EFCAB8: variants seen among roughly 807,000 people sequenced by gnomAD.
EFCAB8 encodes the protein EF-hand calcium-binding domain-containing protein 8.
Under a neutral mutation model 116.3 loss-of-function variants are expected in EFCAB8, and 100 were observed. That is an observed-to-expected ratio of 0.86 (90% confidence interval 0.73 to 1.02). The LOEUF is 1.02. Ranked by LOEUF, EFCAB8 falls within the 50% of genes least tolerant of loss-of-function variation. EFCAB8 has a pLI of 0.00. For missense variants in EFCAB8, 1,320 were observed against 1,416.9 expected, an observed-to-expected ratio of 0.93 and a Z score of 1.10; for synonymous variants, 558 against 567.9, an observed-to-expected ratio of 0.98 and a Z score of 0.25.
chr20:32,957,330 AC>A (rs146398235), intron 23 of EFCAB8, among the ~76,000 whole-genome samples: 10,780 of 151,032 alleles, frequency 0.071, 578 homozygotes, highest in African/African-American at 0.15. Flanking sequence ...AAAAAAAAAA[AC>A]CCAAAACTTT....
intron 8 of EFCAB8, among the ~76,000 whole-genome samples, chr20:32,892,678 T>A (rs1985974100): frequency 6.6e-6 from 1 of 152,128 alleles, no homozygotes; most frequent in African/African-American, 2.4e-5. Flanking sequence ...GAATTCTGGT[T>A]CAGTGATGGG....
At position 32,864,325 on chromosome 20, in the gene EFCAB8, TG is replaced by T. The variant is rs558354718; in HGVS notation, c.42+492del. Among the ~76,000 whole-genome samples, 6 of 150,962 alleles carry T rather than the reference TG, an allele frequency of 4.0e-5. No homozygotes were observed. The South Asian group carries it at 1.3e-3, about 33-fold the overall frequency. On this transcript the variant is annotated intron_variant, in intron 2 of 26. Coordinates refer to ENST00000400522, the MANE Select transcript of EFCAB8 (RefSeq NM_001143967.2). ...GAGACTGGGTATGGTGGCTCACACCTGTAGTCCCAGCACTTTGTGAGGTGAA... is the reference window on the plus strand; with the variant it reads ...GAGACTGGGTATGGTGGCTCACACCTTAGTCCCAGCACTTTGTGAGGTGAA...
chr20:32,925,510 C>T (rs954513219), intron 20 of EFCAB8, among the ~76,000 whole-genome samples: 21 of 152,246 alleles, frequency 1.4e-4, no homozygotes, highest in East Asian at 3.9e-4. Flanking sequence ...TAAGCCACCA[C>T]GCCTAGCTAA....
chr20:32,893,134 C>T (rs1424973069), intron 8 of EFCAB8, 40 bp from the exon 9 acceptor site: 4 of 1,550,914 alleles, frequency 2.6e-6, no homozygotes, highest in Admixed American at 2.0e-5. Flanking sequence ...AGCCACCGCG[C>T]CCAGCCCACA....
At chr20:32,895,708 A>G (rs1232579801) in intron 9 of EFCAB8, among the ~76,000 whole-genome samples, 2 of 151,556 alleles carry the variant, frequency 1.3e-5, no homozygotes, top group Non-Finnish European at 2.9e-5. Context: ...AGTAGCTGTG[A>G]TTACAGGCAC....
intron 20 of EFCAB8, among the ~76,000 whole-genome samples, chr20:32,920,667 A>G (rs1241875588): frequency 6.6e-6 from 1 of 152,170 alleles, no homozygotes; most frequent in Non-Finnish European, 1.5e-5. Flanking sequence ...CCCATGATTC[A>G]GTTACCTCCC....
chr20:32,924,608 C>T (rs1169301049), intron 20 of EFCAB8, among the ~76,000 whole-genome samples: 1 of 152,138 alleles, frequency 6.6e-6, no homozygotes, highest in Non-Finnish European at 1.5e-5. Context: ...GAGCCAGGGC[C>T]TGATTCTAGG....
In EFCAB8 at chr20:32,941,494, A is replaced by G. The variant is rs968544951; in HGVS notation, c.2791-2142A>G. On this transcript the variant is annotated intron_variant, in intron 22 of 26. Transcript: ENST00000400522. ...CCCAAATGTCAACTTCCAAATGGAT[A>G]AAGTGTGGTATGGTGATACAATGGA... Among the ~76,000 whole-genome samples, 8 of 133,912 alleles carry G rather than the reference A, an allele frequency of 6.0e-5. 2 individuals carry two copies. In the East Asian group the frequency reaches 1.5e-3, roughly 25 times the overall value. The allele number at this position is 133,912 out of a possible 152,430, so 87.9% of individuals were successfully genotyped here. A position where few individuals can be genotyped will look rare whatever the true frequency, so the allele number is the denominator to read the frequency against.
chr20:32,886,993 G>C (rs1182662004), intron 6 of EFCAB8, among the ~76,000 whole-genome samples: 1 of 152,150 alleles, frequency 6.6e-6, no homozygotes, highest in Non-Finnish European at 1.5e-5. Context: ...CTACTGGTGT[G>C]TGGGGGTTAG....
At chr20:32,918,037 A>C (rs2146257529) in intron 18 of EFCAB8, among the ~76,000 whole-genome samples, 1 of 152,342 alleles carries the variant, frequency 6.6e-6, no homozygotes, top group East Asian at 1.9e-4. Context: ...AGAATAGCTC[A>C]GCTTTTTATC....
chr20:32,896,997 T>G (rs1986191541), intron 10 of EFCAB8, among the ~76,000 whole-genome samples: 1 of 152,036 alleles, frequency 6.6e-6, no homozygotes, highest in Non-Finnish European at 1.5e-5. Flanking sequence ...CAACCTTCCT[T>G]CTCCCCATCT....
At chr20:32,948,529 AAAG>A in intron 23 of EFCAB8, among the ~76,000 whole-genome samples, 1 of 37,510 alleles carries the variant, frequency 2.7e-5, no homozygotes, top group African/African-American at 1.2e-4. Flanking sequence ...AGTGAAAAAG[AAAG>A]AAAGAAAGAA....
At chr20:32,901,425 G>T (rs1042039027) in intron 11 of EFCAB8, among the ~76,000 whole-genome samples, 1 of 152,266 alleles carries the variant, frequency 6.6e-6, no homozygotes, top group East Asian at 1.9e-4. Flanking sequence ...AGGCCCATGG[G>T]CTGTGAGTTG....
chr20:32,936,689 C>A (rs989118586), intron 22 of EFCAB8, among the ~76,000 whole-genome samples: 12 of 152,128 alleles, frequency 7.9e-5, no homozygotes, highest in African/African-American at 2.9e-4. Context: ...TTTATGCCAG[C>A]ACCATACTGT....
intron 24 of EFCAB8, among the ~76,000 whole-genome samples, chr20:32,959,028 C>T (rs1989058458): frequency 6.6e-6 from 1 of 152,202 alleles, no homozygotes; most frequent in African/African-American, 2.4e-5. Context: ...ATCTCCTACC[C>T]ACTCCATCCA....
intron 11 of EFCAB8, among the ~76,000 whole-genome samples, chr20:32,903,935 G>A (rs546155465): frequency 1.3e-5 from 2 of 152,180 alleles, no homozygotes; most frequent in Non-Finnish European, 2.9e-5. Context: ...TGGAGGAGCC[G>A]GGTCAGGGGT....
At chr20:32,880,757 C>G (rs1041110264) in intron 5 of EFCAB8, among the ~76,000 whole-genome samples, 1 of 152,008 alleles carries the variant, frequency 6.6e-6, no homozygotes, top group Admixed American at 6.6e-5. Flanking sequence ...CTTCAGGAAC[C>G]TCCGTGTGTT....
chr20:32,873,827 C>T (rs559133599), intron 3 of EFCAB8, among the ~76,000 whole-genome samples: 1 of 147,446 alleles, frequency 6.8e-6, no homozygotes, highest in East Asian at 2.0e-4. Context: ...AAAAAAAATG[C>T]AGTTCACCTC....
At position 32,911,602 on chromosome 20, in the gene EFCAB8, G is replaced by A. The variant is rs1986924925; in HGVS notation, c.1680G>A (p.Glu560=). 1.3e-6 allele frequency: 2 copies of A among 1,551,614 alleles called. No individual in the cohort carries two copies. Among genetic ancestry groups the A allele is most frequent in the Non-Finnish European group, 1.7e-6 (2 of 1,146,910 alleles). ...AGATGACCGCCATGGCCCTGGATGA[G>A]TCAGAGCGGTGCCTGCTCACAGGTT... is the stretch of plus-strand genomic sequence containing the variant. ...HVEMTAMALD[E]SERCLLTGLR... Residue 560 remains glutamate, a synonymous_variant, in exon 16 of 27, where the codon GAG becomes GAA. Transcript: ENST00000400522.
Sources: allele counts gnomAD v4.1 joint callset (sites outside exome capture counted in the v4.1 genomes callset), GRCh38; gene constraint gnomAD v4.1.1; transcripts MANE v1.5; gene names NCBI Gene and HGNC (gene_info 2026-07-23, HGNC 2026-07-21).